The following NDUFA5 variants were observed in gnomAD, a reference collection of about 807,000 sequenced individuals.
The protein encoded by NDUFA5 is NADH:ubiquinone oxidoreductase subunit A5.
NDUFA5 carries 11 observed loss-of-function variants against 19.8 expected under a neutral mutation model. That is an observed-to-expected ratio of 0.56 (90% CI 0.35 to 0.92). The LOEUF (loss-of-function observed/expected upper bound fraction) is 0.92, where lower values mean the gene tolerates loss of function less well. NDUFA5 is among the 40% of genes least tolerant of loss of function. The pLI is 0.01. For synonymous variants in NDUFA5, 47 were observed against 46.8 expected, an observed-to-expected ratio of 1.00 and a Z score of -0.01; for missense variants, 109 against 134.2, an observed-to-expected ratio of 0.81 and a Z score of 0.93.
At chr7:123,557,180 GT>G (rs1312513103) in intron 2 of NDUFA5, 1 of 715,628 alleles carries the variant, frequency 1.4e-6, no homozygotes, top group East Asian at 2.7e-5. Context: ...CAAGGAAAAA[GT>G]CAACAAGAAA....
chr7:123,575,060 C>CTTT, the NDUFA5 span, among the ~76,000 whole-genome samples: 2,356 of 133,640 alleles, frequency 0.018, 79 homozygotes, highest in African/African-American at 0.058. Flanking sequence ...GGTATGTTTC[C>CTTT]TTTTTTTTTT....
intron 2 of NDUFA5, chr7:123,557,132 G>A (rs1798584834): frequency 3.1e-6 from 2 of 652,364 alleles, no homozygotes; most frequent in Admixed American, 2.1e-5. Flanking sequence ...TTGAGATGGC[G>A]CTGACAGAAG....
intron 2 of NDUFA5, chr7:123,556,582 A>C (rs1375329433): frequency 4.2e-6 from 1 of 237,870 alleles, no homozygotes; most frequent in Non-Finnish European, 8.5e-6. Flanking sequence ...AAGAAAGCGC[A>C]TGATGGAAAA....
chr7:123,583,441 C>T, the NDUFA5 span, among the ~76,000 whole-genome samples: 1 of 151,914 alleles, frequency 6.6e-6, no homozygotes, highest in Non-Finnish European at 1.5e-5. Flanking sequence ...GGGTAATACA[C>T]TCTTTACCTC....
the NDUFA5 span, among the ~76,000 whole-genome samples, chr7:123,581,659 G>A: frequency 6.6e-6 from 1 of 151,904 alleles, no homozygotes; most frequent in Non-Finnish European, 1.5e-5. Context: ...TTTGCTCAGA[G>A]TGAGAACACC....
At chr7:123,545,165 T>A (rs1172519232) in intron 4 of NDUFA5, among the ~76,000 whole-genome samples, 1 of 152,116 alleles carries the variant, frequency 6.6e-6, no homozygotes, top group African/African-American at 2.4e-5. Flanking sequence ...CTCTCAAATA[T>A]ACTATGCAAT....
At chr7:123,558,499 C>T (rs953024128), upstream of NDUFA5, among the ~76,000 whole-genome samples, 10 of 152,192 alleles carry the variant, frequency 6.6e-5, no homozygotes, top group Non-Finnish European at 1.0e-4. Flanking sequence ...ATGAAGAAGG[C>T]GTGTATTAAT....
chr7:123,569,445 G>A, the NDUFA5 span, among the ~76,000 whole-genome samples: 19 of 152,158 alleles, frequency 1.2e-4, no homozygotes, highest in African/African-American at 4.6e-4. Context: ...ATTACTACCT[G>A]GTGTGGGTGG....
At chr7:123,586,907 GT>G in the NDUFA5 span, among the ~76,000 whole-genome samples, 4 of 151,484 alleles carry the variant, frequency 2.6e-5, no homozygotes, top group Admixed American at 6.6e-5. Flanking sequence ...TGATGTGTCT[GT>G]TTTTATGAAA....
At chr7:123,568,774 C>T in the NDUFA5 span, among the ~76,000 whole-genome samples, 8 of 151,560 alleles carry the variant, frequency 5.3e-5, no homozygotes, top group South Asian at 1.0e-3. Flanking sequence ...ATATACAAAT[C>T]AACAAAATGG....
At chr7:123,580,850 G>A in the NDUFA5 span, among the ~76,000 whole-genome samples, 11 of 151,820 alleles carry the variant, frequency 7.2e-5, no homozygotes, top group Admixed American at 3.3e-4. Context: ...TTATTATACC[G>A]CAAACCACTA....
At chr7:123,581,972 A>G in the NDUFA5 span, among the ~76,000 whole-genome samples, 1 of 152,068 alleles carries the variant, frequency 6.6e-6, no homozygotes, top group African/African-American at 2.4e-5. Flanking sequence ...TGCACCAGCC[A>G]TGAATTCTGG....
At chr7:123,563,617 G>GA in the NDUFA5 span, among the ~76,000 whole-genome samples, 4 of 152,088 alleles carry the variant, frequency 2.6e-5, no homozygotes, top group East Asian at 7.7e-4. Flanking sequence ...CATGCTGTTG[G>GA]AAAAAATGGT....
intron 2 of NDUFA5, among the ~76,000 whole-genome samples, chr7:123,552,220 C>T (rs750223014): frequency 4.0e-5 from 6 of 150,370 alleles, no homozygotes; most frequent in Non-Finnish European, 7.4e-5. Flanking sequence ...TTCATAATAG[C>T]AAAGACTTGG....
intron 3 of NDUFA5, 135 bp from the exon 4 acceptor site, chr7:123,545,811 T>C: frequency 1.7e-6 from 1 of 602,630 alleles, no homozygotes. Context: ...TTACTAAATA[T>C]TTGGTGAAAA....
At chr7:123,557,917 C>T (rs547406192), upstream of NDUFA5, 126 of 1,557,026 alleles carry the variant, frequency 8.1e-5, no homozygotes, top group Non-Finnish European at 1.1e-4. Context: ...CCTTCAGGAT[C>T]GCCAAAGGAG....
chr7:123,542,326 CAT>C, intron 4 of NDUFA5, 106 bp from the exon 5 acceptor site: 1 of 716,334 alleles, frequency 1.4e-6, no homozygotes, highest in Non-Finnish European at 2.3e-6. Context: ...TTTAATATCT[CAT>C]AATCTATTCC....
chr7:123,560,065 T>C (rs1798669818), upstream of NDUFA5, among the ~76,000 whole-genome samples: 1 of 152,082 alleles, frequency 6.6e-6, no homozygotes, highest in Non-Finnish European at 1.5e-5. Context: ...TAATGTACCA[T>C]TGAATACAGG....
chr7:123,566,032 G>GA, the NDUFA5 span, among the ~76,000 whole-genome samples: 4 of 148,320 alleles, frequency 2.7e-5, no homozygotes, highest in Non-Finnish European at 4.5e-5. Context: ...AAAAAAAAAA[G>GA]AAAAAAAAAG....
Sources: allele counts gnomAD v4.1 joint callset (sites outside exome capture counted in the v4.1 genomes callset), GRCh38; gene constraint gnomAD v4.1.1; transcripts MANE v1.5; gene names NCBI Gene and HGNC (gene_info 2026-07-23, HGNC 2026-07-21).